PARG: variants seen among roughly 807,000 people sequenced by gnomAD.
PARG encodes poly(ADP-ribose) glycohydrolase, also known as mitochondrial poly(ADP-ribose) glycohydrolase.
Under a neutral mutation model 113.0 loss-of-function variants are expected in PARG, and 35 were observed. The observed-to-expected ratio is 0.31, with a 90% CI of 0.24 to 0.41. The LOEUF (loss-of-function observed/expected upper bound fraction) is 0.41. PARG is among the 10% of genes least tolerant of loss of function. The pLI, the probability that PARG is intolerant of heterozygous loss-of-function variation, is 1.00. For missense variants in PARG, 797 were observed against 1,169.4 expected, an observed-to-expected ratio of 0.68 and a Z score of 4.64; for synonymous variants, 330 against 409.9, an observed-to-expected ratio of 0.81 and a Z score of 2.36.
intron 4 of PARG, among the ~76,000 whole-genome samples, chr10:49,924,361 T>C (rs1307687657): frequency 6.6e-6 from 1 of 152,194 alleles, no homozygotes; most frequent in Non-Finnish European, 1.5e-5. Context: ...CACATAAATA[T>C]ATAATTTCAC....
At chr10:49,841,011 G>C (rs1554832175) in intron 15 of PARG, among the ~76,000 whole-genome samples, 2 of 152,218 alleles carry the variant, frequency 1.3e-5, no homozygotes, top group African/African-American at 4.8e-5. Context: ...CAATACTTTG[G>C]GAGGCTGTGG....
chr10:49,820,881 A>C (rs1303795180), intron 16 of PARG, among the ~76,000 whole-genome samples: 3 of 152,180 alleles, frequency 2.0e-5, no homozygotes, highest in Non-Finnish European at 4.4e-5. Flanking sequence ...CCATGGGACT[A>C]AGGTAGTATT....
chr10:49,831,052 GA>G (rs1246786680), intron 16 of PARG, among the ~76,000 whole-genome samples: 1 of 152,056 alleles, frequency 6.6e-6, no homozygotes, highest in African/African-American at 2.4e-5. Context: ...ATGGATAGTT[GA>G]AAACTATCCA....
chr10:49,833,141 T>G (rs1300293387), intron 15 of PARG: 1 of 290,948 alleles, frequency 3.4e-6, no homozygotes, highest in East Asian at 6.0e-5. Flanking sequence ...TTTGTTTGAA[T>G]GCTAAGCACA....
At chr10:49,845,075 G>C (rs1845442352) in intron 13 of PARG, among the ~76,000 whole-genome samples, 1 of 152,132 alleles carries the variant, frequency 6.6e-6, no homozygotes. Context: ...ACTCAAAAGA[G>C]AGGCTAAAAT....
At chr10:49,930,201 CT>C (rs1234756687) in intron 4 of PARG, among the ~76,000 whole-genome samples, 1 of 151,522 alleles carries the variant, frequency 6.6e-6, no homozygotes, top group Non-Finnish European at 1.5e-5. Flanking sequence ...TTGTGCAGTT[CT>C]TTTTTAACAA....
chr10:49,844,814 T>C (rs1476845077), intron 13 of PARG, among the ~76,000 whole-genome samples: 2 of 152,052 alleles, frequency 1.3e-5, no homozygotes, highest in Non-Finnish European at 2.9e-5. Context: ...GGAAAATGTT[T>C]AGACAAGACT....
chr10:49,822,637 T>A (rs973699603), intron 16 of PARG, among the ~76,000 whole-genome samples: 2 of 152,058 alleles, frequency 1.3e-5, no homozygotes, highest in Non-Finnish European at 2.9e-5. Context: ...AGATGCCAAA[T>A]CTAGGGAAAA....
chr10:49,838,143 T>A (rs886917735), intron 15 of PARG, among the ~76,000 whole-genome samples: 8 of 152,100 alleles, frequency 5.3e-5, no homozygotes, highest in African/African-American at 1.7e-4. Context: ...TTTTAAAAAA[T>A]GATTTGGCTG....
chr10:49,904,815 C>A (rs1328078606), intron 7 of PARG, among the ~76,000 whole-genome samples: 1 of 152,080 alleles, frequency 6.6e-6, no homozygotes, highest in South Asian at 2.1e-4. Flanking sequence ...ACTCAGGAGG[C>A]TGAGGCAGGA....
intron 8 of PARG, among the ~76,000 whole-genome samples, chr10:49,883,553 C>A (rs1482342003): frequency 1.4e-5 from 2 of 147,882 alleles, no homozygotes; most frequent in East Asian, 4.0e-4. Context: ...AATTTCAGCA[C>A]CATGGGAGGC....
At chr10:49,837,691 C>T (rs1200705198) in intron 15 of PARG, among the ~76,000 whole-genome samples, 5 of 152,132 alleles carry the variant, frequency 3.3e-5, no homozygotes, top group Non-Finnish European at 7.4e-5. Flanking sequence ...TCATTTACTG[C>T]TTTTTCCTTT....
chr10:49,832,582 T>C (rs952107765), intron 16 of PARG, among the ~76,000 whole-genome samples: 1 of 152,150 alleles, frequency 6.6e-6, no homozygotes, highest in Non-Finnish European at 1.5e-5. Context: ...CAAAATACTG[T>C]GTCTGGGGGA....
At chr10:49,831,564 G>C (rs201411026) in intron 16 of PARG, among the ~76,000 whole-genome samples, 2 of 152,152 alleles carry the variant, frequency 1.3e-5, no homozygotes, top group Non-Finnish European at 2.9e-5. Context: ...GGCAGAGACC[G>C]AGCTCAATCA....
intron 16 of PARG, among the ~76,000 whole-genome samples, chr10:49,831,065 G>C (rs1554830193): frequency 6.6e-6 from 1 of 152,144 alleles, no homozygotes; most frequent in Admixed American, 6.5e-5. Flanking sequence ...AACTATCCAT[G>C]AGACTGCAGA....
At chr10:49,824,154 C>T (rs987524621) in intron 16 of PARG, among the ~76,000 whole-genome samples, 1 of 152,128 alleles carries the variant, frequency 6.6e-6, no homozygotes, top group Non-Finnish European at 1.5e-5. Context: ...AATTGTTTTC[C>T]CTCCATTGAA....
intron 4 of PARG, among the ~76,000 whole-genome samples, chr10:49,928,042 C>T (rs142313693): frequency 0.013 from 1,991 of 151,350 alleles, 56 homozygotes; most frequent in African/African-American, 0.046. Flanking sequence ...GGGGCCCAGG[C>T]GGGTGATCAC....
chr10:49,893,994 G>A (rs1325484064), intron 7 of PARG, among the ~76,000 whole-genome samples: 11 of 151,626 alleles, frequency 7.3e-5, no homozygotes, highest in African/African-American at 1.5e-4. Flanking sequence ...CACCATGCCC[G>A]GCCTAATTTT....
At chr10:49,932,849 A>G (rs1333727131) in intron 3 of PARG, among the ~76,000 whole-genome samples, 1 of 152,136 alleles carries the variant, frequency 6.6e-6, no homozygotes, top group Non-Finnish European at 1.5e-5. Context: ...AAAAAGTGTA[A>G]TATACAATGG....
Sources: allele counts gnomAD v4.1 joint callset (sites outside exome capture counted in the v4.1 genomes callset), GRCh38; gene constraint gnomAD v4.1.1; transcripts MANE v1.5; gene names NCBI Gene and HGNC (gene_info 2026-07-23, HGNC 2026-07-21).